Variants in SYN3 observed in about 807,000 individuals in gnomAD.
SYN3 encodes the protein synapsin III, also known as synapsin-3.
Under a neutral mutation model 65.8 loss-of-function variants are expected in SYN3, and 35 were observed. The observed-to-expected ratio is 0.53, with a 90% CI of 0.41 to 0.70. The LOEUF is 0.70. Ranked by LOEUF, SYN3 falls within the 30% of genes least tolerant of loss-of-function variation. The pLI, the probability that SYN3 is intolerant of heterozygous loss-of-function variation, is 0.00. For synonymous variants in SYN3, 270 were observed against 292.9 expected, an observed-to-expected ratio of 0.92 and a Z score of 0.80; for missense variants, 680 against 749.0, an observed-to-expected ratio of 0.91 and a Z score of 1.08.
chr22:32,792,816 A>G (rs2046351247), intron 6 of SYN3, among the ~76,000 whole-genome samples: 1 of 152,188 alleles, frequency 6.6e-6, no homozygotes, highest in African/African-American at 2.4e-5. Context: ...GACAAAGAGA[A>G]AATCACCAGT....
chr22:32,869,330 T>TTCTC (rs59752570), intron 4 of SYN3, among the ~76,000 whole-genome samples: 1,698 of 120,988 alleles, frequency 0.014, 30 homozygotes, highest in East Asian at 0.047. Context: ...ACTATATATA[T>TTCTC]TCTCTCTCTC....
chr22:32,768,410 C>T (rs1419533490), intron 6 of SYN3, among the ~76,000 whole-genome samples: 1 of 152,058 alleles, frequency 6.6e-6, no homozygotes, highest in Non-Finnish European at 1.5e-5. Flanking sequence ...AGTTTATGCC[C>T]AACTCTCTTC....
chr22:32,545,549 G>GTCTC (rs895153167), intron 7 of SYN3, among the ~76,000 whole-genome samples: 8 of 150,758 alleles, frequency 5.3e-5, no homozygotes, highest in African/African-American at 1.2e-4. Context: ...TGGAACCCAG[G>GTCTC]TCTCTCTCTC....
At chr22:32,881,367 T>C (rs1233470043) in intron 4 of SYN3, among the ~76,000 whole-genome samples, 1 of 152,196 alleles carries the variant, frequency 6.6e-6, no homozygotes, top group Non-Finnish European at 1.5e-5. Context: ...CACATATCTC[T>C]GTCTGACAGG....
chr22:32,742,048 C>T (rs554854370), intron 6 of SYN3, among the ~76,000 whole-genome samples: 9 of 151,664 alleles, frequency 5.9e-5, no homozygotes, highest in East Asian at 2.0e-4. Flanking sequence ...CCGAGGCAGG[C>T]GGATCACGAG....
chr22:32,756,561 C>T (rs2045298185), intron 6 of SYN3, among the ~76,000 whole-genome samples: 1 of 152,180 alleles, frequency 6.6e-6, no homozygotes, highest in South Asian at 2.1e-4. Flanking sequence ...GATGTAATCC[C>T]AGTGTTAGAG....
chr22:32,707,241 G>A (rs753559903), intron 6 of SYN3, among the ~76,000 whole-genome samples: 18 of 152,170 alleles, frequency 1.2e-4, no homozygotes, highest in African/African-American at 2.2e-4. Flanking sequence ...ATACATGAGC[G>A]GATGTGGACA....
At chr22:33,016,899 T>C (rs1438519620) in intron 1 of SYN3, among the ~76,000 whole-genome samples, 3 of 152,216 alleles carry the variant, frequency 2.0e-5, no homozygotes, top group African/African-American at 7.2e-5. Flanking sequence ...GCTTTTTAGT[T>C]TGATGCAATT....
At chr22:32,876,381 C>T (rs1479993743) in intron 4 of SYN3, among the ~76,000 whole-genome samples, 1 of 152,002 alleles carries the variant, frequency 6.6e-6, no homozygotes, top group Non-Finnish European at 1.5e-5. Flanking sequence ...CATAGCAAAC[C>T]CCAACAATAA....
Position 32,668,663 on chromosome 22 carries a change from AC to A in SYN3, c.712-71928del, listed in dbSNP as rs2060323311. Among the ~76,000 whole-genome samples the A allele has an allele frequency of 2.0e-5, 3 of 152,264 alleles. No individual in the cohort carries two copies. The East Asian group carries it at 5.8e-4, about 29-fold the overall frequency. ...TTGCAGAACTGATGTAAAGGGACAA[AC>A]AGCATGGAATTAGGGCTGCCCAAAT... On this transcript the variant is annotated intron_variant, in intron 6 of 13. Transcript: ENST00000358763.
At chr22:32,534,130 T>TGA (rs1055548140) in intron 9 of SYN3, among the ~76,000 whole-genome samples, 3 of 150,522 alleles carry the variant, frequency 2.0e-5, no homozygotes, top group African/African-American at 7.4e-5. Context: ...CACATGACAG[T>TGA]GAGAGAGAGA....
chr22:32,569,388 A>C (rs375623270), intron 7 of SYN3, among the ~76,000 whole-genome samples: 1 of 145,980 alleles, frequency 6.9e-6, no homozygotes, highest in African/African-American at 2.6e-5. Flanking sequence ...AAATCTATCT[A>C]TCTCCATCCA....
intron 4 of SYN3, among the ~76,000 whole-genome samples, chr22:32,884,826 A>G (rs938082241): frequency 3.9e-5 from 6 of 152,188 alleles, no homozygotes; most frequent in Admixed American, 2.0e-4. Flanking sequence ...GCAGTGAGCC[A>G]AGATCACGCC....
At chr22:32,518,485 A>C in intron 12 of SYN3, 151 bp from the exon 13 acceptor site, 1 of 903,576 alleles carries the variant, frequency 1.1e-6, no homozygotes, top group Non-Finnish European at 1.8e-6. Context: ...AACCATAAGG[A>C]AGTAATTAGG....
intron 1 of SYN3, among the ~76,000 whole-genome samples, chr22:33,021,612 T>C (rs1318632311): frequency 6.6e-6 from 1 of 152,208 alleles, no homozygotes; most frequent in East Asian, 1.9e-4. Context: ...CATCTGGAAC[T>C]CTCTGTCTAC....
chr22:32,603,545 AAAAAAAGAAAGAAAG>A (rs2059318242), intron 6 of SYN3, among the ~76,000 whole-genome samples: 1 of 151,186 alleles, frequency 6.6e-6, no homozygotes, highest in African/African-American at 2.4e-5. Context: ...AAGAAAAAAA[AAAAAAAGAAAGAAAG>A]AAAACACAGC....
intron 10 of SYN3, among the ~76,000 whole-genome samples, chr22:32,531,905 CTTTTTTTT>C (rs5845007): frequency 8.7e-6 from 1 of 115,476 alleles, no homozygotes; most frequent in Admixed American, 9.2e-5. Flanking sequence ...ACTACTTTTA[CTTTTTTTT>C]TTTTTTTTTT....
At chr22:32,796,321 C>T (rs2046426685) in intron 6 of SYN3, among the ~76,000 whole-genome samples, 1 of 152,174 alleles carries the variant, frequency 6.6e-6, no homozygotes, top group African/African-American at 2.4e-5. Flanking sequence ...TTACTGCACA[C>T]ATGTGTTTTC....
intron 6 of SYN3, among the ~76,000 whole-genome samples, chr22:32,764,802 T>C (rs2045580160): frequency 6.6e-6 from 1 of 152,196 alleles, no homozygotes; most frequent in African/African-American, 2.4e-5. Context: ...AGTTCACATG[T>C]GTGAACATTG....
Sources: gnomAD v4.1 joint callset for allele counts (sites outside exome capture counted in the v4.1 genomes callset) on GRCh38, gnomAD v4.1.1 for gene constraint, MANE v1.5 for transcripts, NCBI Gene and HGNC (gene_info 2026-07-23, HGNC 2026-07-21) for gene names.